PARG: variants seen among roughly 807,000 people sequenced by gnomAD.
The protein encoded by PARG is poly(ADP-ribose) glycohydrolase, also known as mitochondrial poly(ADP-ribose) glycohydrolase.
A neutral mutation model predicts 113.0 loss-of-function variants in PARG; 35 were observed. That is an observed-to-expected ratio of 0.31 (90% CI 0.24 to 0.41). PARG has a LOEUF of 0.41. Ranked by LOEUF, PARG falls within the 10% of genes least tolerant of loss-of-function variation. The pLI is 1.00. For missense variants in PARG, 797 were observed against 1,169.4 expected (o/e 0.68, Z 4.64); for synonymous variants, 330 against 409.9 (o/e 0.81, Z 2.36).
intron 7 of PARG, among the ~76,000 whole-genome samples, chr10:49,902,372 T>C (rs117384831): frequency 4.5e-3 from 683 of 152,240 alleles, no homozygotes; most frequent in East Asian, 0.018. Context: ...ACCGATGTGG[T>C]ACGTAGCTAT....
intron 7 of PARG, among the ~76,000 whole-genome samples, chr10:49,898,884 T>G (rs568235756): frequency 1.3e-5 from 2 of 152,248 alleles, no homozygotes; most frequent in South Asian, 4.1e-4. Flanking sequence ...GTAATTTATT[T>G]GAACTTTTTT....
intron 16 of PARG, among the ~76,000 whole-genome samples, chr10:49,827,444 G>C (rs1035413868): frequency 2.6e-5 from 4 of 152,202 alleles, no homozygotes; most frequent in Admixed American, 6.5e-5. Context: ...GTCCAAGGGA[G>C]AGAATACAGT....
intron 1 of PARG, among the ~76,000 whole-genome samples, chr10:49,937,087 T>C (rs1838784462): frequency 6.6e-6 from 1 of 152,162 alleles, no homozygotes; most frequent in South Asian, 2.1e-4. Context: ...TCAGAGGGAG[T>C]AAGAGGATAA....
At chr10:49,881,987 A>G (rs1467751211) in intron 8 of PARG, among the ~76,000 whole-genome samples, 4 of 152,220 alleles carry the variant, frequency 2.6e-5, no homozygotes, top group African/African-American at 9.6e-5. Flanking sequence ...TGGTTTTAGG[A>G]AGAAATGAGT....
chr10:49,886,352 G>T (rs1347715920), intron 7 of PARG, among the ~76,000 whole-genome samples: 5 of 152,226 alleles, frequency 3.3e-5, no homozygotes, highest in Non-Finnish European at 5.9e-5. Flanking sequence ...GCTGGACAGG[G>T]TATGTGTGTA....
intron 12 of PARG, among the ~76,000 whole-genome samples, chr10:49,860,815 C>A (rs1846213546): frequency 6.6e-6 from 1 of 151,226 alleles, no homozygotes. Context: ...ATACAAGCTT[C>A]TTTCAAAGAA....
chr10:49,868,777 A>C (rs1433361195), intron 10 of PARG, among the ~76,000 whole-genome samples: 1 of 151,884 alleles, frequency 6.6e-6, no homozygotes, highest in Non-Finnish European at 1.5e-5. Flanking sequence ...TTCTTGTTTA[A>C]TATCTATAAC....
intron 7 of PARG, among the ~76,000 whole-genome samples, chr10:49,886,809 TG>T (rs1252840421): frequency 6.6e-6 from 1 of 152,218 alleles, no homozygotes; most frequent in Admixed American, 6.5e-5. Flanking sequence ...AAGTGGGACT[TG>T]TTTTAAAAAG....
chr10:49,829,670 A>G (rs1844559157), intron 16 of PARG, among the ~76,000 whole-genome samples: 1 of 152,218 alleles, frequency 6.6e-6, no homozygotes, highest in Non-Finnish European at 1.5e-5. Flanking sequence ...AAAACAAAAC[A>G]AAGACTATCA....
At chr10:49,941,397 G>GC (rs1839055245) in intron 1 of PARG, 112 bp downstream of exon 1, 3 of 896,008 alleles carry the variant, frequency 3.3e-6, no homozygotes, top group Non-Finnish European at 5.4e-6. Flanking sequence ...GACCTCAAGA[G>GC]TGACGATGCA....
intron 6 of PARG, among the ~76,000 whole-genome samples, chr10:49,917,524 A>C (rs1195046315): frequency 1.3e-5 from 2 of 150,582 alleles, no homozygotes; most frequent in Non-Finnish European, 3.0e-5. Flanking sequence ...AAGAAAAAAG[A>C]ATTAAGAGAT....
At position 49,934,167 on chromosome 10, in the gene PARG, C is replaced by T. The variant is rs1838630129; in HGVS notation, c.285-4G>A. 1 of 987,498 alleles carries T rather than the reference C, an allele frequency of 1.0e-6. No individual in the cohort carries two copies. Among genetic ancestry groups the T allele is most frequent in the Non-Finnish European group, 1.6e-6 (1 of 615,880 alleles). 61.2% of individuals were successfully genotyped at this position (987,498 alleles called of 1,614,324 possible). ...GTTGTTTTCTTTACTATCCAAACTA[C>T]AAGAGAACAGAAAGAACTAAAAACA... On this transcript the variant is annotated splice_polypyrimidine_tract_variant and splice_region_variant and intron_variant, in intron 2 of 17. Coordinates refer to ENST00000616448, the MANE Select transcript of PARG (RefSeq NM_003631.5).
Position 49,819,474 on chromosome 10 carries a change from G to A in PARG, c.2797C>T (p.Leu933=). 6.4e-7 allele frequency: 1 copy of A among 1,551,298 alleles called. No homozygotes were observed. Among genetic ancestry groups the A allele is most frequent in the African/African-American group, 1.4e-5 (1 of 73,142 alleles). The part of the protein sequence containing the change: ...LTVGDVYKLL[L]RYYNEECRNC... ...CTGCATTCTTCATTGTAGTATCGTA[G>A]CAACAGCTTATACACATCTCCTGGA... is the stretch of plus-strand genomic sequence containing the variant. Residue 933 remains leucine (L), a synonymous_variant, in exon 18 of 18, where the codon CTA becomes TTA. Transcript: ENST00000616448.
At chr10:49,862,942 G>C (rs1239685628) in intron 11 of PARG, among the ~76,000 whole-genome samples, 6 of 146,928 alleles carry the variant, frequency 4.1e-5, no homozygotes, top group African/African-American at 1.5e-4. Context: ...AAATCTCTGG[G>C]CTGTCAGTCA....
At chr10:49,939,919 C>T (rs1838941567) in intron 1 of PARG, among the ~76,000 whole-genome samples, 1 of 152,198 alleles carries the variant, frequency 6.6e-6, no homozygotes, top group Admixed American at 6.5e-5. Flanking sequence ...ACGAATGCAT[C>T]CTTTTTGAAA....
Position 49,941,700 on chromosome 10 carries a change from G to A in PARG, c.26C>T (p.Pro9Leu), listed in dbSNP as rs1336281121. ...GCCCCAGCGGGGTCGCTTGGTGCAG[G>A]GTTCACAGCCGGGGCCCGCATTCAT... MNAGPGCE[P>L]CTKRPRWGAA... The change falls in exon 1 of 18, where the codon CCC becomes CTC. Residue 9 changes from proline to leucine, a missense_variant. Pro to Leu is a moderately conservative substitution (Grantham distance 98, BLOSUM62 -3). Around this residue, in one of 5 missense-constraint regions of PARG, gnomAD observed 27 missense variants for 54.3 expected, o/e 0.50. Transcript: ENST00000616448. 35 of 1,586,450 alleles carry A rather than the reference G, an allele frequency of 2.2e-5. No homozygotes were observed. Among genetic ancestry groups the A allele is most frequent in the Non-Finnish European group, 2.7e-5 (32 of 1,168,422 alleles).
In PARG at chr10:49,908,248, G is replaced by C. The variant is rs562126510; in HGVS notation, c.1737+7669C>G. Among the ~76,000 whole-genome samples, 4 of 152,266 alleles carry C rather than the reference G, an allele frequency of 2.6e-5. No homozygotes were observed. In the East Asian group the frequency reaches 7.7e-4, roughly 29 times the overall value. ...TGTCCTTTGGGATATGCACTATTTA[G>C]AAATCATAAATCATAAATATGAGAC... On this transcript the variant is annotated intron_variant, in intron 7 of 17. Coordinates refer to ENST00000616448, the MANE Select transcript of PARG (RefSeq NM_003631.5).
intron 9 of PARG, among the ~76,000 whole-genome samples, chr10:49,878,688 C>T (rs1847071553): frequency 6.6e-6 from 1 of 151,164 alleles, no homozygotes; most frequent in African/African-American, 2.4e-5. Flanking sequence ...GTATGGCAAA[C>T]AAAAGTGGGT....
chr10:49,889,688 T>C (rs766568369), intron 7 of PARG, among the ~76,000 whole-genome samples: 7 of 152,216 alleles, frequency 4.6e-5, no homozygotes, highest in Non-Finnish European at 8.8e-5. Context: ...AAACCTTAAG[T>C]GTCTTAACAG....
Sources: gnomAD v4.1 joint callset for allele counts (sites outside exome capture counted in the v4.1 genomes callset) on GRCh38, gnomAD v4.1.1 for gene constraint, gnomAD v4.1.1 regional missense constraint, MANE v1.5 for transcripts, NCBI Gene and HGNC (gene_info 2026-07-23, HGNC 2026-07-21) for gene names.